The following CSNK1A1 variants were observed in gnomAD, a reference collection of about 807,000 sequenced individuals.
The protein encoded by CSNK1A1 is casein kinase I isoform alpha.
In CSNK1A1, 7 loss-of-function variants were observed where a neutral mutation model predicts 46.1. That is an observed-to-expected ratio of 0.15 (90% CI 0.09 to 0.29). The LOEUF is 0.29. Ranked by LOEUF, CSNK1A1 falls within the 10% of genes least tolerant of loss-of-function variation. The probability of loss-of-function intolerance (pLI) is 1.00; values close to 1 mark genes in which losing one functional copy is unlikely to be tolerated. For synonymous variants in CSNK1A1, 137 were observed against 141.5 expected, an observed-to-expected ratio of 0.97 and a Z score of 0.23; for missense variants, 96 against 417.1, an observed-to-expected ratio of 0.23 and a Z score of 6.71.
At chr5:149,545,314 C>G (rs1762442474) in intron 2 of CSNK1A1, 1 of 338,900 alleles carries the variant, frequency 3.0e-6, no homozygotes, top group Admixed American at 4.0e-5. Flanking sequence ...AGGACCCCAG[C>G]CCCATAAAGA....
At chr5:149,534,279 C>A (rs140054415) in intron 2 of CSNK1A1, among the ~76,000 whole-genome samples, 12 of 151,684 alleles carry the variant, frequency 7.9e-5, no homozygotes, top group African/African-American at 2.7e-4. Flanking sequence ...CAAGAGAGAT[C>A]GAGACCATCC....
chr5:149,534,841 T>C (rs1762015528), intron 2 of CSNK1A1, among the ~76,000 whole-genome samples: 1 of 151,118 alleles, frequency 6.6e-6, no homozygotes, highest in Admixed American at 6.6e-5. Context: ...GGAGGATCAC[T>C]TGAGCCTCGG....
chr5:149,531,440 C>T (rs1346192563), intron 2 of CSNK1A1, among the ~76,000 whole-genome samples: 1 of 151,910 alleles, frequency 6.6e-6, no homozygotes, highest in Non-Finnish European at 1.5e-5. Context: ...ATTGCTTGAA[C>T]CCGGGAGGCC....
In CSNK1A1 at chr5:149,516,824, C is replaced by T. The variant is rs369941195; in HGVS notation, c.456+3466G>A. Among the ~76,000 whole-genome samples the T allele has an allele frequency of 1.2e-4, 18 of 151,934 alleles. No individual in the cohort carries two copies. The East Asian group carries it at 2.1e-3, about 18-fold the overall frequency. ...CCTTTTTTAATAGCTGGAGGTGGTT[C>T]CTGGAATAAAGCTGGGCAGTATGGA... On this transcript the variant is annotated intron_variant, in intron 4 of 9. Coordinates refer to ENST00000377843, the MANE Select transcript of CSNK1A1 (RefSeq NM_001892.6).
intron 2 of CSNK1A1, among the ~76,000 whole-genome samples, chr5:149,544,770 T>TATA (rs1554118064): frequency 7.2e-6 from 1 of 138,292 alleles, no homozygotes; most frequent in Admixed American, 7.2e-5. Context: ...TATATAGTTA[T>TATA]TGACCAATCA....
In CSNK1A1 at chr5:149,542,654, A is replaced by G. The variant is rs1267354321; in HGVS notation, c.230+7421T>C. The stretch of plus-strand genomic sequence containing the variant: ...TATATATATATGTATATATATATAT[A>G]TATATATATATATATATGTATATAT... On this transcript the variant is annotated intron_variant, in intron 2 of 9. Transcript: ENST00000377843. Among the ~76,000 whole-genome samples the G allele has an allele frequency of 3.1e-3, 19 of 6,188 alleles. 2 individuals carry two copies. Among genetic ancestry groups the G allele is most frequent in the African/African-American group, 0.015 (15 of 1,034 alleles). The allele number at this position is 6,188 out of a possible 152,430, so 4.1% of individuals were successfully genotyped here.
intron 2 of CSNK1A1, among the ~76,000 whole-genome samples, chr5:149,536,994 T>C (rs1406065353): frequency 1.3e-5 from 2 of 152,146 alleles, no homozygotes; most frequent in Non-Finnish European, 2.9e-5. Flanking sequence ...TATCAAAAGG[T>C]GTTGTGGTAA....
intron 2 of CSNK1A1, among the ~76,000 whole-genome samples, chr5:149,548,236 T>G (rs1762540044): frequency 6.6e-6 from 1 of 152,104 alleles, no homozygotes; most frequent in African/African-American, 2.4e-5. Context: ...ACCCAGTCCT[T>G]AATTCAAGAC....
chr5:149,515,754 T>C (rs1761380814), intron 4 of CSNK1A1, among the ~76,000 whole-genome samples: 1 of 152,194 alleles, frequency 6.6e-6, no homozygotes, highest in South Asian at 2.1e-4. Context: ...ATAATGGAAA[T>C]GTTTACATGA....
chr5:149,541,970 C>CAAAAAAA (rs1171466150), intron 2 of CSNK1A1, among the ~76,000 whole-genome samples: 2 of 40,032 alleles, frequency 5.0e-5, no homozygotes, highest in Admixed American at 3.1e-4. Flanking sequence ...GACTGCATCT[C>CAAAAAAA]AAAAAAAAAA....
At chr5:149,531,708 CAAAAAA>C (rs1580848350) in intron 2 of CSNK1A1, among the ~76,000 whole-genome samples, 5 of 76,300 alleles carry the variant, frequency 6.6e-5, no homozygotes, top group South Asian at 1.2e-3. Context: ...AAAAAAAAAA[CAAAAAA>C]CAAAAAATTA....
chr5:149,547,252 C>T (rs540189019), intron 2 of CSNK1A1, among the ~76,000 whole-genome samples: 10 of 152,318 alleles, frequency 6.6e-5, no homozygotes, highest in African/African-American at 2.4e-4. Flanking sequence ...CAGCTTATAA[C>T]TACCATAACT....
chr5:149,504,702 T>C, intron 9 of CSNK1A1: 2 of 985,450 alleles, frequency 2.0e-6, no homozygotes, highest in Non-Finnish European at 2.4e-6. Context: ...AAGGCCTGGC[T>C]GCAGACTTCA....
chr5:149,524,799 A>G (rs1380998338), intron 3 of CSNK1A1, among the ~76,000 whole-genome samples: 1 of 152,222 alleles, frequency 6.6e-6, no homozygotes, highest in Non-Finnish European at 1.5e-5. Flanking sequence ...TACATATGAC[A>G]CTAAAACTTC....
Position 149,495,147 on chromosome 5 carries a change from A to G in CSNK1A1, c.*1706T>C, listed in dbSNP as rs547677423. 6.6e-6 allele frequency: 1 copy of G among 152,340 alleles called. No individual in the cohort carries two copies. The highest frequency in any genetic ancestry group is 2.1e-4 in the South Asian group (1 of 4,828). 9.4% of individuals were successfully genotyped at this position (152,340 alleles called of 1,614,324 possible). A position where few individuals can be genotyped will look rare whatever the true frequency, so the allele number is the denominator to read the frequency against. On this transcript the variant is annotated 3_prime_UTR_variant, in exon 10 of 10. Coordinates refer to ENST00000377843, the MANE Select transcript of CSNK1A1 (RefSeq NM_001892.6). The stretch of plus-strand genomic sequence containing the variant: ...AATAAAATTTCTTCAGTATTACGGT[A>G]CTAATATCCCTTAATGGCAGAATGT...
At chr5:149,499,308 G>T (rs1332374565) in intron 9 of CSNK1A1, 2 of 859,560 alleles carry the variant, frequency 2.3e-6, no homozygotes, top group Non-Finnish European at 2.8e-6. Flanking sequence ...AAAAAAAAGG[G>T]GAGGGGGAGG....
In CSNK1A1 at chr5:149,550,448, T is replaced by G; in HGVS notation, c.124-267A>C. 1.0e-6 allele frequency: 1 copy of G among 956,060 alleles called. No individual in the cohort carries two copies. Among genetic ancestry groups the G allele is most frequent in the Non-Finnish European group, 1.4e-6 (1 of 722,944 alleles). The allele number at this position is 956,060 out of a possible 1,614,324, so 59.2% of individuals were successfully genotyped here. A position where few individuals can be genotyped will look rare whatever the true frequency, so the allele number is the denominator to read the frequency against. ...GCAACCTCTGAACGTAGTGAGAGGT[T>G]TTTAAGGAACTAGGCGATCGGAAAC... On this transcript the variant is annotated intron_variant, in intron 1 of 9. Transcript: ENST00000377843. The surrounding 1 kb of genome is among the most constrained non-coding windows in gnomAD (Gnocchi z 4.3).
intron 7 of CSNK1A1, among the ~76,000 whole-genome samples, chr5:149,508,343 C>G (rs930274166): frequency 1.8e-4 from 27 of 151,874 alleles, no homozygotes; most frequent in African/African-American, 6.3e-4. Context: ...CATTTATGGC[C>G]CGTGTTAATG....
At chr5:149,540,798 G>T (rs995928897) in intron 2 of CSNK1A1, among the ~76,000 whole-genome samples, 2 of 152,106 alleles carry the variant, frequency 1.3e-5, no homozygotes. Flanking sequence ...AAACTGATCC[G>T]GCAGGGTATG....
Sources: gnomAD v4.1 joint callset for allele counts (sites outside exome capture counted in the v4.1 genomes callset) on GRCh38, gnomAD v4.1.1 for gene constraint, Gnocchi (gnomAD v3.1) non-coding constraint, MANE v1.5 for transcripts, NCBI Gene and HGNC (gene_info 2026-07-23, HGNC 2026-07-21) for gene names.